Variants in IQCM observed in about 807,000 individuals in gnomAD.
The protein encoded by IQCM is IQ motif containing M.
Under a neutral mutation model 57.6 loss-of-function variants are expected in IQCM, and 45 were observed. The ratio of observed to expected loss-of-function variants is 0.78; its 90% confidence interval spans 0.62 to 1.00. IQCM has a LOEUF of 1.00. Ranked by LOEUF, IQCM falls within the 50% of genes least tolerant of loss-of-function variation. The pLI is 0.00. For synonymous variants in IQCM, 148 were observed against 158.9 expected (o/e 0.93, Z 0.51); for missense variants, 468 against 511.6 (o/e 0.91, Z 0.82).
intron 2 of IQCM, among the ~76,000 whole-genome samples, chr4:149,776,471 A>T (rs1301400391): frequency 1.3e-5 from 2 of 152,160 alleles, no homozygotes; most frequent in African/African-American, 4.8e-5. Context: ...ACATTGCTGC[A>T]TCAATAACTG....
intron 13 of IQCM, among the ~76,000 whole-genome samples, chr4:149,375,093 C>T (rs1055595590): frequency 2.6e-5 from 4 of 151,616 alleles, no homozygotes; most frequent in African/African-American, 4.8e-5. Flanking sequence ...TCAGTAACTT[C>T]GTATCAAAGA....
intron 13 of IQCM, among the ~76,000 whole-genome samples, chr4:149,427,641 T>C (rs1734554760): frequency 6.6e-6 from 1 of 151,952 alleles, no homozygotes; most frequent in Non-Finnish European, 1.5e-5. Flanking sequence ...CCAGGTACAA[T>C]ATTGCAATAG....
chr4:149,683,698 T>A (rs146867302), intron 6 of IQCM, among the ~76,000 whole-genome samples: 1 of 151,472 alleles, frequency 6.6e-6, no homozygotes, highest in African/African-American at 2.4e-5. Context: ...AGTCAATGGA[T>A]AAGTGTTATT....
intron 9 of IQCM, 118 bp downstream of exon 9, chr4:149,587,812 A>C: frequency 2.3e-6 from 1 of 427,304 alleles, no homozygotes; most frequent in Non-Finnish European, 3.9e-6. Context: ...ATGTATTAAA[A>C]CCTGAGCTTT....
intron 8 of IQCM, among the ~76,000 whole-genome samples, chr4:149,598,857 A>C (rs1374457064): frequency 6.6e-6 from 1 of 152,222 alleles, no homozygotes; most frequent in Non-Finnish European, 1.5e-5. Flanking sequence ...CAGCACAGCC[A>C]TTCCATGGTT....
intron 9 of IQCM, among the ~76,000 whole-genome samples, chr4:149,566,923 G>T (rs1401840603): frequency 6.6e-6 from 1 of 152,122 alleles, no homozygotes; most frequent in Non-Finnish European, 1.5e-5. Flanking sequence ...ATTTTGATGA[G>T]CTTAATCATA....
At chr4:149,540,474 A>G (rs966753194) in intron 12 of IQCM, among the ~76,000 whole-genome samples, 1 of 151,964 alleles carries the variant, frequency 6.6e-6, no homozygotes, top group African/African-American at 2.4e-5. Flanking sequence ...GACAAAAAGC[A>G]GATCAGTGGT....
chr4:149,725,824 T>C (rs1025513503), intron 5 of IQCM, among the ~76,000 whole-genome samples: 10 of 152,074 alleles, frequency 6.6e-5, no homozygotes, highest in African/African-American at 2.4e-4. Flanking sequence ...GCTCCCAAAC[T>C]CTTCATTTGC....
chr4:149,632,185 A>G (rs902969353), intron 7 of IQCM, among the ~76,000 whole-genome samples: 2 of 152,338 alleles, frequency 1.3e-5, no homozygotes, highest in South Asian at 2.1e-4. Context: ...ATCTTCACAT[A>G]TAAGCTCCAT....
intron 2 of IQCM, among the ~76,000 whole-genome samples, chr4:149,788,978 T>G (rs1772327030): frequency 6.6e-6 from 1 of 152,136 alleles, no homozygotes; most frequent in African/African-American, 2.4e-5. Flanking sequence ...GAATGATGGA[T>G]GGCAGAGGCT....
chr4:149,699,434 C>A (rs1763592102), intron 5 of IQCM, among the ~76,000 whole-genome samples: 1 of 151,926 alleles, frequency 6.6e-6, no homozygotes, highest in South Asian at 2.1e-4. Context: ...CCCCGGGTTA[C>A]CCTCTCCAAC....
At chr4:149,461,071 C>A (rs112816415) in intron 12 of IQCM, among the ~76,000 whole-genome samples, 1,556 of 151,938 alleles carry the variant, frequency 0.01, 17 homozygotes, top group African/African-American at 0.027. Context: ...CCAGTCTCTA[C>A]TAAAAATACA....
At chr4:149,450,046 A>G (rs564919222) in intron 12 of IQCM, among the ~76,000 whole-genome samples, 1 of 152,002 alleles carries the variant, frequency 6.6e-6, no homozygotes, top group African/African-American at 2.4e-5. Context: ...GAACTCAGAA[A>G]CAAATCCACA....
At chr4:149,705,847 G>T (rs1764115685) in intron 5 of IQCM, among the ~76,000 whole-genome samples, 1 of 151,740 alleles carries the variant, frequency 6.6e-6, no homozygotes, top group Non-Finnish European at 1.5e-5. Context: ...TAAAGTCAAT[G>T]CCAAAGATTG....
At chr4:149,415,208 AC>A (rs1166105157) in intron 13 of IQCM, among the ~76,000 whole-genome samples, 3 of 152,178 alleles carry the variant, frequency 2.0e-5, no homozygotes, top group Non-Finnish European at 2.9e-5. Flanking sequence ...TTTTCAGGTT[AC>A]CTAGAAAAAT....
intron 12 of IQCM, among the ~76,000 whole-genome samples, chr4:149,468,154 G>A (rs939043410): frequency 2.6e-5 from 4 of 152,136 alleles, no homozygotes; most frequent in African/African-American, 9.7e-5. Context: ...GACAGTGGAT[G>A]CAGCCCATGG....
rs201946807 is a variant in IQCM, at chr4:149,368,992, GTA to G, written c.1391-16928_1391-16927del. Reference sequence around the variant, plus strand: ...TATATATGTGTATATATATACACGTGTATATATATATATATACACGTGTATAT... The same window carrying G: ...TATATATGTGTATATATATACACGTGTATATATATATATACACGTGTATAT... On this transcript the variant is annotated intron_variant, in intron 13 of 13. Transcript: ENST00000636793. 7.8e-3 allele frequency among the ~76,000 whole-genome samples: 252 copies of G among 32,200 alleles called. 42 individuals are homozygous for G. Among genetic ancestry groups the G allele is most frequent in the African/African-American group, 0.023 (182 of 7,820 alleles). The allele number at this position is 32,200 out of a possible 152,430, so 21.1% of individuals were successfully genotyped here. A position where few individuals can be genotyped will look rare whatever the true frequency, so the allele number is the denominator to read the frequency against.
At chr4:149,507,226 A>T (rs576662304) in intron 12 of IQCM, among the ~76,000 whole-genome samples, 1 of 152,304 alleles carries the variant, frequency 6.6e-6, no homozygotes, top group East Asian at 1.9e-4. Context: ...AGCAATGTGA[A>T]AACAGACTAA....
chr4:149,588,765 T>C (rs193109957), intron 8 of IQCM, among the ~76,000 whole-genome samples: 2 of 152,022 alleles, frequency 1.3e-5, no homozygotes, highest in Admixed American at 1.3e-4. Context: ...AGAAAATAAA[T>C]TTATGTTGTT....
Sources: gnomAD v4.1 joint callset for allele counts (sites outside exome capture counted in the v4.1 genomes callset) on GRCh38, gnomAD v4.1.1 for gene constraint, MANE v1.5 for transcripts, NCBI Gene and HGNC (gene_info 2026-07-23, HGNC 2026-07-21) for gene names.